Variants in COL19A1 observed in about 807,000 individuals in gnomAD.
COL19A1 encodes collagen type XIX alpha 1 chain.
Under a neutral mutation model 190.2 loss-of-function variants are expected in COL19A1, and 159 were observed. The ratio of observed to expected loss-of-function variants is 0.84; its 90% confidence interval spans 0.73 to 0.95. The LOEUF is 0.95. COL19A1 is among the 40% of genes least tolerant of loss of function. The probability of loss-of-function intolerance (pLI) is 0.00; values close to 1 mark genes in which losing one functional copy is unlikely to be tolerated. For missense variants in COL19A1, 1,418 were observed against 1,431.9 expected (o/e 0.99, Z 0.16); for synonymous variants, 509 against 458.9 (o/e 1.11, Z -1.39).
At chr6:69,923,713 C>T (rs1235749577) in intron 4 of COL19A1, among the ~76,000 whole-genome samples, 1 of 152,126 alleles carries the variant, frequency 6.6e-6, no homozygotes, top group Non-Finnish European at 1.5e-5. Flanking sequence ...TGTTACAGGG[C>T]TGTGTGAAAA....
chr6:69,944,561 A>C (rs1307930140), intron 9 of COL19A1, among the ~76,000 whole-genome samples: 1 of 152,136 alleles, frequency 6.6e-6, no homozygotes, highest in Non-Finnish European at 1.5e-5. Flanking sequence ...TTTAAAAAAC[A>C]AAAATTCTTT....
intron 4 of COL19A1, among the ~76,000 whole-genome samples, chr6:69,913,585 A>G (rs1410434734): frequency 6.6e-6 from 1 of 152,202 alleles, no homozygotes; most frequent in Non-Finnish European, 1.5e-5. Context: ...TAGAGGGAGC[A>G]TCATGGTAGT....
intron 9 of COL19A1, among the ~76,000 whole-genome samples, chr6:69,957,162 T>G (rs1433169525): frequency 6.6e-6 from 1 of 152,116 alleles, no homozygotes; most frequent in East Asian, 1.9e-4. Flanking sequence ...AGAAATACAT[T>G]ACTTCCAATG....
intron 15 of COL19A1, among the ~76,000 whole-genome samples, chr6:70,075,485 T>C (rs1369128658): frequency 6.6e-6 from 1 of 152,228 alleles, no homozygotes; most frequent in Non-Finnish European, 1.5e-5. Context: ...GGCGTAGTTG[T>C]GCAGCGAGGA....
chr6:70,033,546 C>G (rs971473277), intron 12 of COL19A1, among the ~76,000 whole-genome samples: 7 of 152,108 alleles, frequency 4.6e-5, no homozygotes, highest in African/African-American at 7.2e-5. Context: ...CTGGTACAAT[C>G]TATTGTGGAA....
intron 41 of COL19A1, among the ~76,000 whole-genome samples, chr6:70,174,586 C>A (rs1054213400): frequency 1.3e-5 from 2 of 151,766 alleles, no homozygotes; most frequent in Admixed American, 1.3e-4. Context: ...AAAAACAGGA[C>A]TACATGTGCT....
At chr6:69,901,220 A>T (rs374137709) in intron 4 of COL19A1, among the ~76,000 whole-genome samples, 1 of 152,224 alleles carries the variant, frequency 6.6e-6, no homozygotes, top group African/African-American at 2.4e-5. Flanking sequence ...CCTGGGCAGT[A>T]GCCTAATATT....
At chr6:69,894,370 G>C (rs924005820) in intron 2 of COL19A1, among the ~76,000 whole-genome samples, 10 of 152,192 alleles carry the variant, frequency 6.6e-5, no homozygotes, top group Non-Finnish European at 1.3e-4. Context: ...AAGTCAAATA[G>C]TTCTCAAAAC....
chr6:70,151,562 C>A (rs1369344220), intron 31 of COL19A1, 124 bp downstream of exon 31: 2 of 813,552 alleles, frequency 2.5e-6, no homozygotes, highest in Non-Finnish European at 4.1e-6. Flanking sequence ...AATGGCAGGA[C>A]ATCTTTAAGA....
At chr6:70,000,742 T>A (rs1777211577) in intron 11 of COL19A1, among the ~76,000 whole-genome samples, 1 of 152,174 alleles carries the variant, frequency 6.6e-6, no homozygotes, top group South Asian at 2.1e-4. Context: ...TATATTTGTT[T>A]AAGTTCATTG....
At chr6:70,199,845 A>G (rs891154197) in intron 49 of COL19A1, 109 bp downstream of exon 49, 2 of 978,684 alleles carry the variant, frequency 2.0e-6, no homozygotes, top group Non-Finnish European at 2.9e-6. Flanking sequence ...TTATTTATAC[A>G]TTACATATAT....
intron 16 of COL19A1, among the ~76,000 whole-genome samples, chr6:70,120,079 A>G (rs1339454578): frequency 6.6e-6 from 1 of 152,180 alleles, no homozygotes; most frequent in African/African-American, 2.4e-5. Flanking sequence ...TGACAGAGTG[A>G]GACTCTGTCT....
At chr6:70,201,930 T>C (rs1026118005) in intron 49 of COL19A1, among the ~76,000 whole-genome samples, 3 of 152,148 alleles carry the variant, frequency 2.0e-5, no homozygotes, top group African/African-American at 7.2e-5. Context: ...CTCTAGTACA[T>C]AAATAGGTGT....
At chr6:69,885,257 C>T (rs2149951844) in intron 2 of COL19A1, among the ~76,000 whole-genome samples, 1 of 152,300 alleles carries the variant, frequency 6.6e-6, no homozygotes, top group South Asian at 2.1e-4. Flanking sequence ...TAGTTATTAA[C>T]ATCTTAGTAT....
At chr6:69,891,208 A>AG (rs991973089) in intron 2 of COL19A1, 2 of 154,756 alleles carry the variant, frequency 1.3e-5, no homozygotes, top group African/African-American at 4.8e-5. Flanking sequence ...GCTAGCAAAA[A>AG]AAAAAAAAAA....
chr6:69,880,133 G>T (rs1768430817), intron 2 of COL19A1, among the ~76,000 whole-genome samples: 2 of 152,166 alleles, frequency 1.3e-5, no homozygotes, highest in South Asian at 2.1e-4. Flanking sequence ...GCAAACAAAA[G>T]GTTGACAGAT....
chr6:69,903,669 C>T (rs1313802417), intron 4 of COL19A1, among the ~76,000 whole-genome samples: 2 of 152,210 alleles, frequency 1.3e-5, no homozygotes, highest in Non-Finnish European at 2.9e-5. Flanking sequence ...AGCTCCCTTC[C>T]ATAGCTGGGA....
chr6:69,963,522 T>C (rs1774921870), intron 11 of COL19A1, among the ~76,000 whole-genome samples: 1 of 151,868 alleles, frequency 6.6e-6, no homozygotes, highest in African/African-American at 2.4e-5. Flanking sequence ...GATAAGCACA[T>C]AAAGGGGAAA....
intron 16 of COL19A1, among the ~76,000 whole-genome samples, chr6:70,107,234 C>G (rs938014959): frequency 1.3e-5 from 2 of 152,126 alleles, no homozygotes; most frequent in Non-Finnish European, 2.9e-5. Flanking sequence ...TATTCTTCCT[C>G]AAACATCATA....
Sources: gnomAD v4.1 joint callset for allele counts (sites outside exome capture counted in the v4.1 genomes callset) on GRCh38, gnomAD v4.1.1 for gene constraint, MANE v1.5 for transcripts, NCBI Gene and HGNC (gene_info 2026-07-23, HGNC 2026-07-21) for gene names.